STK32B: variants seen among roughly 807,000 people sequenced by gnomAD.
The protein encoded by STK32B is serine/threonine-protein kinase 32B.
STK32B carries 43 observed loss-of-function variants against 52.6 expected under a neutral mutation model. That is an observed-to-expected ratio of 0.82 (90% CI 0.64 to 1.05). STK32B has a LOEUF of 1.05. Ranked by LOEUF, STK32B falls within the 50% of genes least tolerant of loss-of-function variation. STK32B has a pLI of 0.00. For missense variants in STK32B, 621 were observed against 534.6 expected (o/e 1.16, Z -1.59); for synonymous variants, 238 against 204.3 (o/e 1.17, Z -1.41).
At position 5,334,706 on chromosome 4, in the gene STK32B, A is replaced by G. The variant is rs1051000789; in HGVS notation, c.434+3313A>G. On this transcript the variant is annotated intron_variant, in intron 4 of 11. Coordinates refer to ENST00000282908, the MANE Select transcript of STK32B (RefSeq NM_018401.3). ...CCTGAAGGGTTGTTGAATTTTGTCA[A>G]AGGCCTTTTCTGCATCTATTGAGAT... is the stretch of plus-strand genomic sequence containing the variant. 4.0e-4 allele frequency among the ~76,000 whole-genome samples: 60 copies of G among 150,594 alleles called. No individual in the cohort carries two copies. In the Middle Eastern group the frequency reaches 0.01, roughly 26 times the overall value.
Position 5,241,751 on chromosome 4 carries a change from G to A in STK32B, c.260+73301G>A, listed in dbSNP as rs567148118. Reference sequence around the variant, plus strand: ...CTCCCACCACCCCACAACAGTCCCTGGTGTGTGATGTTCCGCTTCCTGTGT... The same window carrying A: ...CTCCCACCACCCCACAACAGTCCCTAGTGTGTGATGTTCCGCTTCCTGTGT... On this transcript the variant is annotated intron_variant, in intron 3 of 11. Coordinates refer to ENST00000282908, the MANE Select transcript of STK32B (RefSeq NM_018401.3). 9.9e-5 allele frequency among the ~76,000 whole-genome samples: 15 copies of A among 152,028 alleles called. No individual in the cohort carries two copies. The South Asian group carries it at 2.9e-3, about 30-fold the overall frequency.
intron 2 of STK32B, among the ~76,000 whole-genome samples, chr4:5,161,441 C>T (rs996394974): frequency 6.6e-6 from 1 of 152,172 alleles, no homozygotes; most frequent in African/African-American, 2.4e-5. Context: ...CTTTCTTGGC[C>T]TCATGATCAC....
chr4:5,087,811 G>T (rs1405534443), intron 1 of STK32B, among the ~76,000 whole-genome samples: 1 of 151,810 alleles, frequency 6.6e-6, no homozygotes, highest in African/African-American at 2.4e-5. Flanking sequence ...AAAAGCGGCA[G>T]AATTGAGGGT....
intron 1 of STK32B, among the ~76,000 whole-genome samples, chr4:5,111,968 A>C (rs1010277413): frequency 4.6e-5 from 7 of 152,172 alleles, no homozygotes; most frequent in Non-Finnish European, 8.8e-5. Flanking sequence ...GGGCATGTGC[A>C]CACTTTAGTA....
intron 3 of STK32B, among the ~76,000 whole-genome samples, chr4:5,218,933 C>G (rs1723349534): frequency 6.6e-6 from 1 of 152,066 alleles, no homozygotes. Flanking sequence ...GGCACAGGCC[C>G]CACTGAGCTT....
At chr4:5,328,681 A>T (rs1430749095) in intron 3 of STK32B, among the ~76,000 whole-genome samples, 2 of 152,236 alleles carry the variant, frequency 1.3e-5, no homozygotes, top group Non-Finnish European at 2.9e-5. Context: ...ATTTTGCAAG[A>T]ATTACCAAAA....
In STK32B at chr4:5,252,109, C is replaced by T. The variant is rs376221985; in HGVS notation, c.261-79111C>T. Among the ~76,000 whole-genome samples the T allele has an allele frequency of 4.6e-4, 70 of 152,304 alleles. 1 individual carries two copies. In the South Asian group the frequency reaches 0.015, roughly 32 times the overall value. ...AGCAACAACCCCCCATCAGATGTCT[C>T]AGTTGAGGAGCTCCTAGGAAGAAAA... On this transcript the variant is annotated intron_variant, in intron 3 of 11. Transcript: ENST00000282908.
At chr4:5,253,981 C>T (rs1027462391) in intron 3 of STK32B, among the ~76,000 whole-genome samples, 1 of 151,698 alleles carries the variant, frequency 6.6e-6, no homozygotes, top group Non-Finnish European at 1.5e-5. Context: ...GAGACAGGGT[C>T]TCACCATGTT....
At chr4:5,031,360 T>G in the STK32B span, among the ~76,000 whole-genome samples, 1 of 152,102 alleles carries the variant, frequency 6.6e-6, no homozygotes, top group African/African-American at 2.4e-5. Context: ...TTTACTTTCC[T>G]TGGAAAATGA....
intron 3 of STK32B, among the ~76,000 whole-genome samples, chr4:5,173,622 G>A (rs1342160065): frequency 1.3e-5 from 2 of 152,200 alleles, no homozygotes; most frequent in Non-Finnish European, 2.9e-5. Flanking sequence ...TTTTGAGTGA[G>A]TTTCTTAATC....
At chr4:5,110,686 T>C (rs1714358095) in intron 1 of STK32B, among the ~76,000 whole-genome samples, 1 of 152,064 alleles carries the variant, frequency 6.6e-6, no homozygotes, top group African/African-American at 2.4e-5. Flanking sequence ...AATGCTCTTC[T>C]GGACATCAGC....
At chr4:5,141,811 C>A (rs6446326) in intron 2 of STK32B, among the ~76,000 whole-genome samples, 1 of 151,898 alleles carries the variant, frequency 6.6e-6, no homozygotes, top group Non-Finnish European at 1.5e-5. Context: ...ACACTTTTCA[C>A]CCACCCCCTC....
chr4:5,421,054 C>T (rs557551384), intron 6 of STK32B, among the ~76,000 whole-genome samples: 90 of 151,184 alleles, frequency 6.0e-4, no homozygotes, highest in African/African-American at 2.2e-3. Flanking sequence ...CACATGCCAC[C>T]ATGCCTGGCT....
Position 5,317,279 on chromosome 4 carries a change from C to T in STK32B, c.261-13941C>T, listed in dbSNP as rs868495796. 3.5e-3 allele frequency among the ~76,000 whole-genome samples: 58 copies of T among 16,434 alleles called. 11 individuals carry two copies. The highest frequency in any genetic ancestry group is 0.033 in the African/African-American group (53 of 1,592). The allele number at this position is 16,434 out of a possible 152,430, so 10.8% of individuals were successfully genotyped here. On this transcript the variant is annotated intron_variant, in intron 3 of 11. Coordinates refer to ENST00000282908, the MANE Select transcript of STK32B (RefSeq NM_018401.3). ...CATATAACATATATATAATATATAA[C>T]ATATAACATATATATAATATATAAT...
At chr4:5,414,296 A>C (rs1711965212) in intron 5 of STK32B, among the ~76,000 whole-genome samples, 1 of 152,028 alleles carries the variant, frequency 6.6e-6, no homozygotes, top group African/African-American at 2.4e-5. Context: ...ACAATATGTA[A>C]TAATATCTTA....
chr4:5,118,690 C>T (rs1212340887), intron 1 of STK32B, among the ~76,000 whole-genome samples: 1 of 152,234 alleles, frequency 6.6e-6, no homozygotes, highest in East Asian at 1.9e-4. Flanking sequence ...TTATTTGCTC[C>T]TTTCCTCTCT....
chr4:5,289,562 T>C (rs954738026), intron 3 of STK32B, among the ~76,000 whole-genome samples: 13 of 152,052 alleles, frequency 8.5e-5, no homozygotes, highest in African/African-American at 2.4e-4. Context: ...AATGAAAATG[T>C]GATAACTCTT....
chr4:5,162,928 A>G (rs548260183), intron 2 of STK32B, among the ~76,000 whole-genome samples: 2 of 152,202 alleles, frequency 1.3e-5, no homozygotes, highest in Non-Finnish European at 2.9e-5. Context: ...GTTTCAGCAG[A>G]TCCCTCAATC....
intron 3 of STK32B, among the ~76,000 whole-genome samples, chr4:5,315,868 C>G (rs1479792385): frequency 6.6e-6 from 1 of 150,696 alleles, no homozygotes; most frequent in African/African-American, 2.4e-5. Context: ...CCACGCCCAG[C>G]TAATTTTTGT....
Sources: allele counts gnomAD v4.1 joint callset (sites outside exome capture counted in the v4.1 genomes callset), GRCh38; gene constraint gnomAD v4.1.1; transcripts MANE v1.5; gene names NCBI Gene and HGNC (gene_info 2026-07-23, HGNC 2026-07-21).